The following ADGRD1 variants were observed in gnomAD, a reference collection of about 807,000 sequenced individuals.
ADGRD1 encodes adhesion G protein-coupled receptor D1.
ADGRD1 carries 77 observed loss-of-function variants against 113.4 expected under a neutral mutation model. That is an observed-to-expected ratio of 0.68 (90% confidence interval 0.57 to 0.82). The LOEUF is 0.82. Among genes scored for constraint, ADGRD1 ranks in the 40% least tolerant of loss-of-function variants. ADGRD1 has a pLI of 0.00. For synonymous variants in ADGRD1, 474 were observed against 475.0 expected (o/e 1.00, Z 0.03); for missense variants, 1,036 against 1,139.1 (o/e 0.91, Z 1.30).
Position 131,000,421 on chromosome 12 carries a change from T to C in ADGRD1, c.1005T>C (p.Pro335=), listed in dbSNP as rs1361429286. Residue 335 remains proline (P), a synonymous_variant, in exon 9 of 25, where the codon CCT becomes CCC. Coordinates refer to ENST00000261654, the MANE Select transcript of ADGRD1 (RefSeq NM_198827.5). ...CCGTGGGAGAGATCCTTCTACTGCC[T>C]GGTTGGATTGCTCTGTCAGAGGTAA... ...LKAVGEILLL[P]GWIALSEDSA... is the part of the protein sequence containing the mutation. 2.5e-6 allele frequency: 4 copies of C among 1,612,688 alleles called. No homozygotes were observed. The African/African-American group carries it at 4.0e-5, about 16-fold the overall frequency.
intron 21 of ADGRD1, among the ~76,000 whole-genome samples, 160 bp downstream of exon 21, chr12:131,131,976 G>A (rs1254449603): frequency 2.6e-5 from 4 of 152,146 alleles, no homozygotes; most frequent in South Asian, 2.1e-4. Context: ...CTGGTTTCAC[G>A]CCCTCGCTTG....
At chr12:131,010,019 C>G (rs779018430) in intron 12 of ADGRD1, among the ~76,000 whole-genome samples, 2 of 152,180 alleles carry the variant, frequency 1.3e-5, no homozygotes, top group Non-Finnish European at 2.9e-5. Context: ...TCTGAAAGGC[C>G]CTGGCTGCAG....
chr12:131,136,866 C>T (rs955342755), intron 22 of ADGRD1, 107 bp from the exon 23 acceptor site: 20 of 897,082 alleles, frequency 2.2e-5, no homozygotes, highest in Non-Finnish European at 3.2e-5. Context: ...CCTGGTGTCA[C>T]AGTGTGCGGT....
intron 13 of ADGRD1, among the ~76,000 whole-genome samples, chr12:131,076,444 G>C (rs1262037844): frequency 1.3e-5 from 2 of 152,128 alleles, no homozygotes; most frequent in Admixed American, 1.3e-4. Flanking sequence ...GCAGAGGCCT[G>C]GTAGGGAGTG....
chr12:131,000,463 C>G, intron 9 of ADGRD1, 21 bp downstream of exon 9: 1 of 1,597,758 alleles, frequency 6.3e-7, no homozygotes, highest in Non-Finnish European at 8.6e-7. Flanking sequence ...AGAACATGGT[C>G]GGTCATGGTG....
intron 15 of ADGRD1, among the ~76,000 whole-genome samples, chr12:131,102,085 C>T (rs893452513): frequency 6.6e-6 from 1 of 152,192 alleles, no homozygotes; most frequent in African/African-American, 2.4e-5. Context: ...TATATTCATC[C>T]AAAAAGTCTT....
intron 13 of ADGRD1, among the ~76,000 whole-genome samples, chr12:131,067,464 A>G (rs921256450): frequency 2.0e-5 from 3 of 152,226 alleles, no homozygotes; most frequent in African/African-American, 7.2e-5. Flanking sequence ...GGCCTCCTCC[A>G]GACCTGGCTT....
At chr12:130,979,823 A>T (rs1490600031) in intron 4 of ADGRD1, among the ~76,000 whole-genome samples, 2 of 113,376 alleles carry the variant, frequency 1.8e-5, no homozygotes, top group African/African-American at 7.2e-5. Flanking sequence ...TGTCTCACAC[A>T]CACACACACA....
chr12:130,982,037 C>T lies in ADGRD1; in HGVS notation c.464C>T (p.Thr155Ile), dbSNP rs779713809. Residue 155 changes from threonine to isoleucine, a missense_variant, in exon 5 of 25, where the codon ACA becomes ATA. Physicochemically the swap from Thr to Ile is moderately conservative, Grantham distance 89. Coordinates refer to ENST00000261654, the MANE Select transcript of ADGRD1 (RefSeq NM_198827.5). ...VELYTRDNSM[T>I]WEASFSPPGP... Reference sequence around the variant, plus strand: ...CTGTATACGCGGGACAATTCCATGACATGGGAGGCCTCCTTCAGCCCCCCA... The same window carrying T: ...CTGTATACGCGGGACAATTCCATGATATGGGAGGCCTCCTTCAGCCCCCCA... 140 of 1,613,888 alleles carry T rather than the reference C, an allele frequency of 8.7e-5. 1 individual carries two copies. The highest frequency in any genetic ancestry group is 7.8e-4 in the South Asian group (71 of 91,066).
chr12:131,111,335 G>A (rs1245702144), intron 18 of ADGRD1, among the ~76,000 whole-genome samples: 6 of 151,858 alleles, frequency 4.0e-5, no homozygotes, highest in East Asian at 3.9e-4. Context: ...CAAGCAGTCC[G>A]CCCACTTCAG....
chr12:131,058,548 T>G (rs1884067045), intron 13 of ADGRD1, among the ~76,000 whole-genome samples: 1 of 152,248 alleles, frequency 6.6e-6, no homozygotes, highest in African/African-American at 2.4e-5. Flanking sequence ...TTAGACATTT[T>G]TTATGTCCGG....
Position 130,954,548 on chromosome 12 carries a change from G to C in ADGRD1, c.66+17G>C. The C allele has an allele frequency of 6.2e-7, 1 of 1,613,478 alleles. No individual in the cohort carries two copies. Among genetic ancestry groups the C allele is most frequent in the South Asian group, 1.1e-5 (1 of 90,994 alleles). On this transcript the variant is annotated intron_variant, in intron 1 of 24. Transcript: ENST00000261654. The surrounding 1 kb of genome is among the most constrained non-coding windows in gnomAD (Gnocchi z 4.7). ...AACTTTCAGGTAATGTCCCCAAGTG[G>C]CCAGGATGGCGACAGGCTTGGTTTC...
Position 130,987,188 on chromosome 12 carries a change from G to GA in ADGRD1, c.588dup (p.Val197SerfsTer4). ...ACCCTGAGCACCTCTGATCCGAGTG[G>GA]AAAAGTGTCTCGTGACTATGGAGAG... On this transcript the variant is annotated frameshift_variant, in exon 6 of 25. Transcript: ENST00000261654. LOFTEE classifies it high-confidence loss of function. The GA allele has an allele frequency of 6.2e-7, 1 of 1,614,222 alleles. No individual in the cohort carries two copies. The highest frequency in any genetic ancestry group is 8.5e-7 in the Non-Finnish European group (1 of 1,180,034).
chr12:130,978,728 T>C (rs908719470), intron 4 of ADGRD1: 3 of 152,260 alleles, frequency 2.0e-5, no homozygotes, highest in Admixed American at 1.3e-4. Context: ...TTTATTTTTC[T>C]TCCTGAACAG....
In ADGRD1 at chr12:131,003,594, A is replaced by G. The variant is rs981586143; in HGVS notation, c.1144+292A>G. On this transcript the variant is annotated intron_variant, in intron 10 of 24. Coordinates refer to ENST00000261654, the MANE Select transcript of ADGRD1 (RefSeq NM_198827.5). The surrounding 1 kb of genome is among the most constrained non-coding windows in gnomAD (Gnocchi z 4.8). ...AGGAGGCAGAAGCAGCAGTGCCTGCAAGAGTCTGTGGAATAAAAGGGGTGG... is the reference window on the plus strand; with the variant it reads ...AGGAGGCAGAAGCAGCAGTGCCTGCGAGAGTCTGTGGAATAAAAGGGGTGG... Among the ~76,000 whole-genome samples the G allele has an allele frequency of 4.6e-5, 7 of 152,354 alleles. No homozygotes were observed. Among genetic ancestry groups the G allele is most frequent in the African/African-American group, 1.4e-4 (6 of 41,590 alleles).
chr12:130,969,857 G>A (rs1368371873), intron 3 of ADGRD1: 1 of 152,098 alleles, frequency 6.6e-6, no homozygotes, highest in African/African-American at 2.4e-5. Context: ...CCAGCTGCTT[G>A]TTTTCAGAAC....
chr12:130,991,138 C>A, intron 7 of ADGRD1, 60 bp downstream of exon 7: 1 of 1,399,996 alleles, frequency 7.1e-7, no homozygotes, highest in Non-Finnish European at 1.0e-6. Context: ...GGGCTGTTTG[C>A]TGGGAGAGAG....
intron 12 of ADGRD1, among the ~76,000 whole-genome samples, chr12:131,007,952 T>G (rs752049832): frequency 7.2e-5 from 11 of 152,192 alleles, no homozygotes; most frequent in African/African-American, 7.2e-5. Context: ...CTGTGTACCT[T>G]GTACCTGTAG....
rs116080427 is a variant in ADGRD1, at chr12:131,029,043, T to G, written c.1473+14703T>G. Among the ~76,000 whole-genome samples the G allele has an allele frequency of 2.0e-3, 311 of 152,360 alleles. 1 individual carries two copies. The highest frequency in any genetic ancestry group is 6.8e-3 in the African/African-American group (282 of 41,596). On this transcript the variant is annotated intron_variant, in intron 13 of 24. Transcript: ENST00000261654. ...ACAGGAAGTCACACCTGGTTGTCAT[T>G]CATAGCTGCGTAGCTTTGGTTATTG...
Sources: allele counts gnomAD v4.1 joint callset (sites outside exome capture counted in the v4.1 genomes callset), GRCh38; gene constraint gnomAD v4.1.1; non-coding constraint Gnocchi (gnomAD v3.1); transcripts MANE v1.5; gene names NCBI Gene and HGNC (gene_info 2026-07-23, HGNC 2026-07-21).